The following OC90 variants were observed in gnomAD, a reference collection of about 807,000 sequenced individuals.
The protein encoded by OC90 is otoconin-90.
A neutral mutation model predicts 47.3 loss-of-function variants in OC90; 46 were observed. That is an observed-to-expected ratio of 0.97 (90% CI 0.77 to 1.24). The LOEUF is 1.24. Among genes scored for constraint, OC90 ranks in the 50% most tolerant of loss-of-function variants. The pLI, the probability that OC90 is intolerant of heterozygous loss-of-function variation, is 0.00. For synonymous variants in OC90, 271 were observed against 219.5 expected (o/e 1.23, Z -2.07); for missense variants, 688 against 583.9 (o/e 1.18, Z -1.84).
intron 2 of OC90, among the ~76,000 whole-genome samples, chr8:132,047,056 C>G (rs1207791759): frequency 1.3e-5 from 2 of 152,204 alleles, no homozygotes; most frequent in Non-Finnish European, 2.9e-5. Flanking sequence ...GCAGGAAACA[C>G]TTCCATACAC....
chr8:132,046,015 G>A (rs1823128530), intron 2 of OC90, 132 bp from the exon 3 acceptor site: 1 of 651,060 alleles, frequency 1.5e-6, no homozygotes, highest in East Asian at 2.7e-5. Flanking sequence ...ATATTTCCTA[G>A]AGCCTGCTAT....
At chr8:132,037,287 G>A (rs1431029214) in intron 9 of OC90, 151 bp downstream of exon 9, 3 of 682,820 alleles carry the variant, frequency 4.4e-6, no homozygotes, top group African/African-American at 1.8e-5. Flanking sequence ...GGATCATGGG[G>A]ATGGATTTCT....
chr8:132,028,044 G>T (rs1226604695), intron 13 of OC90, among the ~76,000 whole-genome samples: 1 of 152,146 alleles, frequency 6.6e-6, no homozygotes, highest in African/African-American at 2.4e-5. Context: ...ACTGTTTTGA[G>T]GATTAATTCT....
At position 132,041,074 on chromosome 8, in the gene OC90, C is replaced by T; in HGVS notation, c.427G>A (p.Val143Ile). 1 of 1,611,864 alleles carries T rather than the reference C, an allele frequency of 6.2e-7. No homozygotes were observed. The highest frequency in any genetic ancestry group is 8.5e-7 in the Non-Finnish European group (1 of 1,177,924). The change falls in exon 6 of 14, where the codon GTC (valine) becomes ATC (isoleucine). Residue 143 changes from valine to isoleucine, a missense_variant. Val to Ile is a conservative substitution (Grantham distance 29, BLOSUM62 3). Coordinates refer to ENST00000254627, the MANE Select transcript of OC90 (RefSeq NM_001080399.3). ...ATGATCTTCTTGCTGACACAATTGACCTCTGTGCTAAGTTTGGCGGGGTCT... is the reference window on the plus strand; with the variant it reads ...ATGATCTTCTTGCTGACACAATTGATCTCTGTGCTAAGTTTGGCGGGGTCT... ...LQDPAKLSTEVNCVSKKIICE... is the reference protein window; with the variant it reads ...LQDPAKLSTEINCVSKKIICE...
intron 2 of OC90, among the ~76,000 whole-genome samples, chr8:132,054,100 G>A (rs1435227302): frequency 6.6e-6 from 1 of 152,196 alleles, no homozygotes; most frequent in East Asian, 1.9e-4. Context: ...AACTGACCAA[G>A]GGCCTACGGC....
At chr8:132,050,608 T>C (rs1215461888) in intron 2 of OC90, among the ~76,000 whole-genome samples, 1 of 152,224 alleles carries the variant, frequency 6.6e-6, no homozygotes, top group East Asian at 1.9e-4. Context: ...CGGGCACGTG[T>C]TCTTTCCTCG....
intron 9 of OC90, chr8:132,036,458 C>G (rs1189991870): frequency 3.8e-6 from 3 of 779,564 alleles, no homozygotes; most frequent in Non-Finnish European, 7.2e-6. Flanking sequence ...ATCAGTTCAG[C>G]TAGGTGCCAA....
intron 1 of OC90, among the ~76,000 whole-genome samples, chr8:132,056,959 A>G (rs1426744707): frequency 6.6e-6 from 1 of 152,164 alleles, no homozygotes; most frequent in Non-Finnish European, 1.5e-5. Flanking sequence ...TACAGATGAG[A>G]TCATTGAGGT....
intron 12 of OC90, among the ~76,000 whole-genome samples, chr8:132,031,617 G>A (rs1379830422): frequency 6.6e-6 from 1 of 152,154 alleles, no homozygotes; most frequent in Admixed American, 6.5e-5. Context: ...AGGGCTCTAG[G>A]CCCCCAGATC....
chr8:132,040,288 A>T (rs1823033928), intron 6 of OC90, among the ~76,000 whole-genome samples: 2 of 152,204 alleles, frequency 1.3e-5, no homozygotes, highest in African/African-American at 2.4e-5. Context: ...AGCTGCAAAC[A>T]ATGGCCCCTT....
chr8:132,052,833 A>G (rs1394363792), intron 2 of OC90, among the ~76,000 whole-genome samples: 1 of 152,182 alleles, frequency 6.6e-6, no homozygotes, highest in Non-Finnish European at 1.5e-5. Context: ...TCTCCTCAGT[A>G]TTGCAAGGCA....
chr8:132,031,600 T>C (rs115894817), intron 12 of OC90, among the ~76,000 whole-genome samples: 80 of 152,328 alleles, frequency 5.3e-4, no homozygotes, highest in African/African-American at 1.9e-3. Context: ...TTTGTCAAAG[T>C]ACTGAAAGGG....
intron 6 of OC90, 102 bp downstream of exon 6, chr8:132,040,942 G>C: frequency 1.3e-6 from 1 of 746,508 alleles, no homozygotes; most frequent in Non-Finnish European, 2.4e-6. Context: ...CAGTGGTGAC[G>C]ATGATGTGAG....
Position 132,024,473 on chromosome 8 carries a change from C to T in OC90, c.*8G>A. On this transcript the variant is annotated 3_prime_UTR_variant, in exon 14 of 14. Transcript: ENST00000254627. ...CTACTGAAGGTGTTAGCCATTTTCT[C>T]TGGGCATCTATCTTCCATGAAGAGG... 6.5e-7 allele frequency: 1 copy of T among 1,528,600 alleles called. No individual in the cohort carries two copies. The highest frequency in any genetic ancestry group is 1.3e-5 in the South Asian group (1 of 77,856). 94.7% of individuals were successfully genotyped at this position (1,528,600 alleles called of 1,614,324 possible).
At chr8:132,058,024 C>A (rs1008351735) in intron 1 of OC90, among the ~76,000 whole-genome samples, 1 of 152,210 alleles carries the variant, frequency 6.6e-6, no homozygotes, top group African/African-American at 2.4e-5. Flanking sequence ...TCACAATTAT[C>A]GGTAGTACTT....
At chr8:132,030,095 T>C (rs1403494139) in intron 12 of OC90, among the ~76,000 whole-genome samples, 1 of 152,234 alleles carries the variant, frequency 6.6e-6, no homozygotes, top group African/African-American at 2.4e-5. Context: ...GAGTTCAGCG[T>C]CTACCTCCTT....
intron 11 of OC90, 51 bp downstream of exon 11, chr8:132,032,988 C>T: frequency 6.3e-7 from 1 of 1,584,192 alleles, no homozygotes; most frequent in South Asian, 1.2e-5. Context: ...TTGTTCACAG[C>T]CTCACCAAAA....
chr8:132,039,651 C>T (rs1563731197), intron 6 of OC90, among the ~76,000 whole-genome samples: 1 of 152,136 alleles, frequency 6.6e-6, no homozygotes, highest in Non-Finnish European at 1.5e-5. Flanking sequence ...TATTCCTTCT[C>T]AGGCCACATC....
intron 6 of OC90, among the ~76,000 whole-genome samples, chr8:132,040,742 TG>T (rs1586711397): frequency 6.6e-6 from 1 of 152,254 alleles, no homozygotes; most frequent in Admixed American, 6.5e-5. Context: ...TGCTACACAA[TG>T]TGTAAGTAGC....
Sources: gnomAD v4.1 joint callset for allele counts (sites outside exome capture counted in the v4.1 genomes callset) on GRCh38, gnomAD v4.1.1 for gene constraint, MANE v1.5 for transcripts, NCBI Gene and HGNC (gene_info 2026-07-23, HGNC 2026-07-21) for gene names.